The following IL23R variants were observed in gnomAD, a reference collection of about 807,000 sequenced individuals.
The protein encoded by IL23R is interleukin 23 receptor.
IL23R carries 34 observed loss-of-function variants against 56.9 expected under a neutral mutation model. That is an observed-to-expected ratio of 0.60 (90% confidence interval 0.45 to 0.80). The LOEUF is 0.80. Ranked by LOEUF, IL23R falls within the 30% of genes least tolerant of loss-of-function variation. IL23R has a pLI of 0.00. For synonymous variants in IL23R, 230 were observed against 249.2 expected (o/e 0.92, Z 0.73); for missense variants, 635 against 730.0 (o/e 0.87, Z 1.50).
chr1:67,159,588 T>G (rs945827104), intron 1 of IL23R, among the ~76,000 whole-genome samples: 1 of 152,162 alleles, frequency 6.6e-6, no homozygotes, highest in African/African-American at 2.4e-5. Flanking sequence ...AGGACAAAGA[T>G]GGATGGACCA....
chr1:67,167,194 C>G (rs1646883469), intron 1 of IL23R, among the ~76,000 whole-genome samples: 1 of 152,118 alleles, frequency 6.6e-6, no homozygotes, highest in African/African-American at 2.4e-5. Flanking sequence ...CCTTCACCTC[C>G]CGGGTAGCTG....
intron 1 of IL23R, among the ~76,000 whole-genome samples, chr1:67,143,921 A>G (rs973976305): frequency 5.3e-5 from 8 of 152,206 alleles, no homozygotes; most frequent in African/African-American, 1.9e-4. Context: ...AGTTTCAAAA[A>G]GAGCAAAATG....
chr1:67,260,126 CG>C (rs1337668964), downstream of IL23R: 31 of 152,100 alleles, frequency 2.0e-4, no homozygotes, highest in Admixed American at 1.8e-3. Context: ...AGAAGTTAGT[CG>C]TTTGCTGTAT....
At chr1:67,248,505 G>T (rs767648602) in intron 9 of IL23R, among the ~76,000 whole-genome samples, 2 of 151,994 alleles carry the variant, frequency 1.3e-5, no homozygotes, top group Non-Finnish European at 2.9e-5. Flanking sequence ...ATTCTAGTTA[G>T]CAATTCGTCT....
At chr1:67,217,091 AT>A (rs907884951) in intron 6 of IL23R, among the ~76,000 whole-genome samples, 6 of 151,936 alleles carry the variant, frequency 3.9e-5, no homozygotes, top group Non-Finnish European at 8.8e-5. Flanking sequence ...TAGGTTGGAG[AT>A]TTTTTCTTCC....
intron 7 of IL23R, among the ~76,000 whole-genome samples, chr1:67,229,773 T>A (rs1650977027): frequency 6.6e-6 from 1 of 152,210 alleles, no homozygotes; most frequent in African/African-American, 2.4e-5. Flanking sequence ...AATATTATAG[T>A]AACCTGTTCA....
Position 67,258,766 on chromosome 1 carries a change from A to C in IL23R, c.1528A>C (p.Lys510Gln), listed in dbSNP as rs776354187. The C allele has an allele frequency of 1.2e-6, 2 of 1,611,232 alleles. No individual in the cohort carries two copies. Among genetic ancestry groups the C allele is most frequent in the Non-Finnish European group, 1.7e-6 (2 of 1,178,088 alleles). ...NNNEITSLTL[K>Q]PPVDSLDSGN... ...TAATGAAATTACTTCCTTAACACTT[A>C]AACCACCAGTTGATTCCTTAGACTC... Residue 510 changes from lysine to glutamine, a missense_variant, in exon 11 of 11, where the codon AAA (lysine) becomes CAA (glutamine). Transcript: ENST00000347310.
chr1:67,226,885 C>T (rs558993726), intron 7 of IL23R, among the ~76,000 whole-genome samples: 6 of 152,224 alleles, frequency 3.9e-5, no homozygotes, highest in African/African-American at 1.4e-4. Context: ...TCCTGAGTCA[C>T]TGACCACCCC....
At chr1:67,258,357 T>G (rs936490004) in intron 10 of IL23R, 121 bp from the exon 11 acceptor site, 66 of 665,348 alleles carry the variant, frequency 9.9e-5, no homozygotes, top group Admixed American at 3.1e-4. Context: ...AGATAAACAA[T>G]ATGAGAAAAT....
chr1:67,243,518 T>G (rs1287364324), intron 9 of IL23R, among the ~76,000 whole-genome samples: 1 of 152,126 alleles, frequency 6.6e-6, no homozygotes, highest in African/African-American at 2.4e-5. Context: ...GTCCGTGTGT[T>G]CTCATTGTTC....
chr1:67,167,782 G>C (rs1355364735), intron 1 of IL23R, among the ~76,000 whole-genome samples: 1 of 152,192 alleles, frequency 6.6e-6, no homozygotes, highest in Non-Finnish European at 1.5e-5. Flanking sequence ...GGAGGTTTCT[G>C]ATGAGAAAGG....
chr1:67,190,030 C>T (rs1284470127), intron 4 of IL23R, among the ~76,000 whole-genome samples: 15 of 152,100 alleles, frequency 9.9e-5, no homozygotes, highest in Non-Finnish European at 8.8e-5. Flanking sequence ...ATGTTGTGGT[C>T]GAGGTAGTAT....
At chr1:67,139,070 G>A (rs769837352) in exon 1 of IL23R, 1 of 152,352 alleles carries the variant, frequency 6.6e-6, no homozygotes, top group Non-Finnish European at 1.5e-5. Context: ...GAAGAAAACT[G>A]AGAGCTGGAC....
intron 9 of IL23R, among the ~76,000 whole-genome samples, chr1:67,242,415 C>T (rs563232111): frequency 3.9e-5 from 6 of 152,066 alleles, no homozygotes; most frequent in Non-Finnish European, 8.8e-5. Context: ...TTCTATTGTT[C>T]ATAGAGGCAT....
chr1:67,182,305 C>T (rs1054396279), intron 3 of IL23R, among the ~76,000 whole-genome samples: 4 of 152,216 alleles, frequency 2.6e-5, no homozygotes, highest in Admixed American at 1.3e-4. Flanking sequence ...TTCCCAGCCA[C>T]TTTGTTTACC....
At chr1:67,177,893 G>A (rs570316143) in intron 3 of IL23R, among the ~76,000 whole-genome samples, 1,623 of 150,986 alleles carry the variant, frequency 0.011, 143 homozygotes, top group African/African-American at 0.038. Flanking sequence ...CCTATTGCTC[G>A]TTTTTGTCAG....
intron 7 of IL23R, among the ~76,000 whole-genome samples, chr1:67,225,849 C>T (rs190608947): frequency 6.6e-6 from 1 of 152,148 alleles, no homozygotes; most frequent in Admixed American, 6.5e-5. Context: ...ATTCCTGAGC[C>T]CTTTGCCAAG....
At chr1:67,155,342 G>T (rs578141977) in intron 1 of IL23R, among the ~76,000 whole-genome samples, 1 of 152,252 alleles carries the variant, frequency 6.6e-6, no homozygotes, top group African/African-American at 2.4e-5. Flanking sequence ...GGCCTGTCTT[G>T]CTAGGTTGGG....
chr1:67,207,134 TTA>T (rs749809185), intron 6 of IL23R, 79 bp downstream of exon 6: 1 of 1,357,058 alleles, frequency 7.4e-7, no homozygotes, highest in South Asian at 1.2e-5. Flanking sequence ...AGTGGACTTA[TTA>T]TGTCTATTTT....
Sources: gnomAD v4.1 joint callset for allele counts (sites outside exome capture counted in the v4.1 genomes callset) on GRCh38, gnomAD v4.1.1 for gene constraint, MANE v1.5 for transcripts, NCBI Gene and HGNC (gene_info 2026-07-23, HGNC 2026-07-21) for gene names.